GABRG3: variants seen among roughly 807,000 people sequenced by gnomAD.
GABRG3 encodes the protein gamma-aminobutyric acid receptor subunit gamma-3.
GABRG3 carries 25 observed loss-of-function variants against 48.8 expected under a neutral mutation model. The observed-to-expected ratio is 0.51, with a 90% confidence interval of 0.37 to 0.72. GABRG3 has a LOEUF of 0.72. GABRG3 is among the 30% of genes least tolerant of loss of function. The pLI, the probability that GABRG3 is intolerant of heterozygous loss-of-function variation, is 0.00. For missense variants in GABRG3, 394 were observed against 577.9 expected (o/e 0.68, Z 3.26); for synonymous variants, 227 against 217.6 (o/e 1.04, Z -0.38).
chr15:27,301,297 T>C (rs182299965), intron 3 of GABRG3, among the ~76,000 whole-genome samples: 350 of 152,312 alleles, frequency 2.3e-3, no homozygotes, highest in African/African-American at 7.8e-3. Flanking sequence ...TGGGACTTGC[T>C]TTCTAAAGTC....
At chr15:27,456,913 G>A (rs1297682170) in intron 5 of GABRG3, among the ~76,000 whole-genome samples, 1 of 152,182 alleles carries the variant, frequency 6.6e-6, no homozygotes, top group South Asian at 2.1e-4. Flanking sequence ...CACCTGCAGT[G>A]CTGCCCAGAG....
At position 27,511,851 on chromosome 15, in the gene GABRG3, A is replaced by G. The variant is rs891879993; in HGVS notation, c.713-8121A>G. ...CGTTCTTACTTTACACAGGTAGTCAATAATCTAATAGGGTCACATTTGGAC... is the reference window on the plus strand; with the variant it reads ...CGTTCTTACTTTACACAGGTAGTCAGTAATCTAATAGGGTCACATTTGGAC... On this transcript the variant is annotated intron_variant, in intron 6 of 9. Transcript: ENST00000615808. 2.6e-5 allele frequency among the ~76,000 whole-genome samples: 4 copies of G among 152,240 alleles called. No homozygotes were observed. In the South Asian group the frequency reaches 8.3e-4, roughly 32 times the overall value.
At chr15:27,062,434 T>TTAA (rs773271266) in intron 3 of GABRG3, among the ~76,000 whole-genome samples, 2 of 32,826 alleles carry the variant, frequency 6.1e-5, no homozygotes, top group Non-Finnish European at 1.7e-4. Context: ...CCATCTCTAC[T>TTAA]AAAAAAAAAA....
At chr15:27,208,299 C>G (rs1338171637) in intron 3 of GABRG3, 1 of 206,890 alleles carries the variant, frequency 4.8e-6, no homozygotes, top group African/African-American at 2.3e-5. Flanking sequence ...CCATTTTGAG[C>G]CAAGGCCTGG....
chr15:27,351,933 A>G (rs1328924525), intron 5 of GABRG3, among the ~76,000 whole-genome samples: 3 of 131,252 alleles, frequency 2.3e-5, no homozygotes, highest in African/African-American at 8.8e-5. Context: ...TTGTGTGTGT[A>G]TGGTGTGTGT....
intron 1 of GABRG3, 94 bp downstream of exon 1, chr15:26,971,682 G>A (rs1195830508): frequency 8.8e-6 from 12 of 1,366,366 alleles, no homozygotes; most frequent in Middle Eastern, 2.6e-4. Context: ...CGCGCCAGCC[G>A]TCGGCTGGGC....
intron 3 of GABRG3, among the ~76,000 whole-genome samples, chr15:27,252,476 C>T (rs527258499): frequency 1.3e-5 from 2 of 152,304 alleles, no homozygotes; most frequent in East Asian, 3.9e-4. Flanking sequence ...TAGAGGAGAC[C>T]AGATTGTCCA....
intron 5 of GABRG3, among the ~76,000 whole-genome samples, chr15:27,371,028 C>G (rs753749205): frequency 6.6e-6 from 1 of 152,182 alleles, no homozygotes; most frequent in African/African-American, 2.4e-5. Context: ...TGTTGAATTT[C>G]GAAGTGACTT....
At chr15:27,210,797 A>T (rs1221693254) in intron 3 of GABRG3, among the ~76,000 whole-genome samples, 1 of 152,176 alleles carries the variant, frequency 6.6e-6, no homozygotes, top group Non-Finnish European at 1.5e-5. Flanking sequence ...CTCCACTGGG[A>T]GGAGCCAAGT....
At chr15:27,237,909 T>C (rs1270727681) in intron 3 of GABRG3, among the ~76,000 whole-genome samples, 1 of 152,194 alleles carries the variant, frequency 6.6e-6, no homozygotes, top group Non-Finnish European at 1.5e-5. Context: ...TCTGTAAATT[T>C]AATTATATTT....
intron 5 of GABRG3, among the ~76,000 whole-genome samples, chr15:27,452,320 G>A (rs1159574885): frequency 6.6e-6 from 1 of 152,146 alleles, no homozygotes; most frequent in Non-Finnish European, 1.5e-5. Flanking sequence ...AAACAGTATG[G>A]TGGTTCCTCA....
chr15:27,413,272 CATTTT>C (rs1369533957), intron 5 of GABRG3, among the ~76,000 whole-genome samples: 3 of 151,988 alleles, frequency 2.0e-5, no homozygotes, highest in East Asian at 1.9e-4. Flanking sequence ...TCTACCATAT[CATTTT>C]ATTTTAAGAC....
At chr15:27,462,069 T>G (rs1889467680) in intron 5 of GABRG3, among the ~76,000 whole-genome samples, 1 of 152,152 alleles carries the variant, frequency 6.6e-6, no homozygotes, top group Non-Finnish European at 1.5e-5. Context: ...TCAGTTGTCT[T>G]CCTCGTTCTT....
At chr15:27,103,050 A>C (rs990277456) in intron 3 of GABRG3, among the ~76,000 whole-genome samples, 32 of 152,202 alleles carry the variant, frequency 2.1e-4, no homozygotes, top group African/African-American at 7.2e-4. Flanking sequence ...CAGGTTTGTG[A>C]ATTATGAAAC....
At chr15:27,098,510 C>T (rs570082232) in intron 3 of GABRG3, among the ~76,000 whole-genome samples, 2 of 152,230 alleles carry the variant, frequency 1.3e-5, no homozygotes, top group Admixed American at 1.3e-4. Context: ...GATATGATAT[C>T]CTTTTTTTAA....
intron 6 of GABRG3, among the ~76,000 whole-genome samples, chr15:27,502,692 C>G (rs1042627185): frequency 3.7e-4 from 56 of 152,358 alleles, no homozygotes; most frequent in African/African-American, 1.3e-3. Context: ...GTTCTCACAA[C>G]CCCCTCTTTG....
intron 2 of GABRG3, among the ~76,000 whole-genome samples, chr15:27,003,674 TC>T (rs1328880910): frequency 6.6e-6 from 1 of 151,984 alleles, no homozygotes; most frequent in African/African-American, 2.4e-5. Context: ...TCCCCACCTT[TC>T]CCCCCTTTCT....
intron 6 of GABRG3, among the ~76,000 whole-genome samples, chr15:27,482,080 A>C (rs537879447): frequency 6.6e-6 from 1 of 152,338 alleles, no homozygotes; most frequent in East Asian, 1.9e-4. Context: ...ACTGATTGCA[A>C]GCAAATACTA....
chr15:27,370,817 G>A (rs1292756547), intron 5 of GABRG3, among the ~76,000 whole-genome samples: 1 of 152,198 alleles, frequency 6.6e-6, no homozygotes, highest in Non-Finnish European at 1.5e-5. Context: ...GGTTTCCCAT[G>A]CATGCAGATG....
Sources: allele counts gnomAD v4.1 joint callset (sites outside exome capture counted in the v4.1 genomes callset), GRCh38; gene constraint gnomAD v4.1.1; transcripts MANE v1.5; gene names NCBI Gene and HGNC (gene_info 2026-07-23, HGNC 2026-07-21).